Variants in GUCY1A2 observed in about 807,000 individuals in gnomAD.
GUCY1A2 encodes the protein guanylate cyclase 1 soluble subunit alpha 2.
In GUCY1A2, 27 loss-of-function variants were observed where a neutral mutation model predicts 63.5. The ratio of observed to expected loss-of-function variants is 0.43; its 90% CI spans 0.31 to 0.59. GUCY1A2 has a LOEUF of 0.59. Ranked by LOEUF, GUCY1A2 falls within the 20% of genes least tolerant of loss-of-function variation. The pLI is 0.11. For synonymous variants in GUCY1A2, 364 were observed against 343.5 expected (o/e 1.06, Z -0.66); for missense variants, 768 against 913.3 (o/e 0.84, Z 2.05).
At chr11:106,867,168 T>C (rs1859605786) in intron 4 of GUCY1A2, among the ~76,000 whole-genome samples, 1 of 152,102 alleles carries the variant, frequency 6.6e-6, no homozygotes. Flanking sequence ...ATCATCTATG[T>C]TTATTATAAA....
intron 1 of GUCY1A2, among the ~76,000 whole-genome samples, chr11:107,003,828 A>G (rs1861638858): frequency 6.6e-6 from 1 of 152,186 alleles, no homozygotes; most frequent in Non-Finnish European, 1.5e-5. Context: ...GGAGATTAGC[A>G]TGCAGGAAAC....
At chr11:106,759,683 CAGCACTTTGGG>C (rs1448731676) in intron 6 of GUCY1A2, among the ~76,000 whole-genome samples, 1 of 152,200 alleles carries the variant, frequency 6.6e-6, no homozygotes, top group Non-Finnish European at 1.5e-5. Context: ...CCTGTAATCC[CAGCACTTTGGG>C]AGGCCGAGGT....
At chr11:106,868,839 C>G (rs1234161194) in intron 4 of GUCY1A2, among the ~76,000 whole-genome samples, 1 of 152,180 alleles carries the variant, frequency 6.6e-6, no homozygotes, top group Non-Finnish European at 1.5e-5. Context: ...AGGCATCACG[C>G]TATCTGACTT....
At chr11:106,802,876 G>C (rs1175032653) in intron 5 of GUCY1A2, among the ~76,000 whole-genome samples, 1 of 152,104 alleles carries the variant, frequency 6.6e-6, no homozygotes, top group African/African-American at 2.4e-5. Context: ...ATCACATTAA[G>C]TAGGGCTTCA....
intron 4 of GUCY1A2, among the ~76,000 whole-genome samples, chr11:106,900,697 A>G (rs973452071): frequency 8.0e-5 from 12 of 150,654 alleles, no homozygotes; most frequent in Non-Finnish European, 1.8e-4. Flanking sequence ...ATACTAAAAT[A>G]AAGGGAGTCA....
chr11:107,010,600 A>T (rs1861729715), intron 1 of GUCY1A2, among the ~76,000 whole-genome samples: 1 of 152,238 alleles, frequency 6.6e-6, no homozygotes, highest in East Asian at 1.9e-4. Flanking sequence ...TGTCTATCAC[A>T]GGCTGGATGA....
At chr11:106,997,288 G>T (rs1300769561) in intron 1 of GUCY1A2, among the ~76,000 whole-genome samples, 1 of 152,080 alleles carries the variant, frequency 6.6e-6, no homozygotes, top group African/African-American at 2.4e-5. Flanking sequence ...CAAATGTCAG[G>T]TAATGTCATT....
chr11:106,997,617 A>ACCCCC (rs377457144), intron 1 of GUCY1A2, among the ~76,000 whole-genome samples: 287 of 119,830 alleles, frequency 2.4e-3, no homozygotes, highest in Non-Finnish European at 3.7e-3. Flanking sequence ...AAGATAGGGA[A>ACCCCC]CCCCCCCCCC....
chr11:106,897,063 C>G (rs943901358), intron 4 of GUCY1A2, among the ~76,000 whole-genome samples: 1 of 152,074 alleles, frequency 6.6e-6, no homozygotes, highest in Admixed American at 6.5e-5. Flanking sequence ...CAGCACTGAA[C>G]AAGTAAAATT....
chr11:107,007,814 G>T (rs1225553845), intron 1 of GUCY1A2, among the ~76,000 whole-genome samples: 1 of 152,046 alleles, frequency 6.6e-6, no homozygotes, highest in Non-Finnish European at 1.5e-5. Context: ...TAGAATGTTT[G>T]GTAATACAGG....
At chr11:106,967,640 C>T (rs1362099181) in intron 3 of GUCY1A2, among the ~76,000 whole-genome samples, 2 of 150,750 alleles carry the variant, frequency 1.3e-5, no homozygotes, top group African/African-American at 4.9e-5. Context: ...GTAATCTAAG[C>T]CAGCAGTTAT....
chr11:106,833,955 AT>A (rs891822161), intron 4 of GUCY1A2, among the ~76,000 whole-genome samples: 20 of 152,018 alleles, frequency 1.3e-4, no homozygotes, highest in African/African-American at 4.8e-4. Context: ...TAAATTAAAA[AT>A]TTTATATATT....
intron 5 of GUCY1A2, among the ~76,000 whole-genome samples, chr11:106,777,310 G>A (rs183794054): frequency 2.2e-4 from 34 of 152,088 alleles, no homozygotes; most frequent in African/African-American, 6.0e-4. Flanking sequence ...AACTGGGCAC[G>A]GTGGTGCGTG....
intron 4 of GUCY1A2, among the ~76,000 whole-genome samples, chr11:106,923,528 G>A (rs751120772): frequency 3.3e-5 from 5 of 152,248 alleles, no homozygotes; most frequent in South Asian, 2.1e-4. Flanking sequence ...ACACATCCCC[G>A]TAAACATGCC....
chr11:106,710,069 T>A (rs1436432547), intron 6 of GUCY1A2, among the ~76,000 whole-genome samples: 1 of 120,492 alleles, frequency 8.3e-6, no homozygotes, highest in South Asian at 2.6e-4. Context: ...TACATGTATA[T>A]AATATATAGT....
chr11:106,835,468 A>AGAGAATAAAGAGAATGGG (rs1370532898), intron 4 of GUCY1A2, among the ~76,000 whole-genome samples: 2 of 151,788 alleles, frequency 1.3e-5, no homozygotes, highest in Non-Finnish European at 2.9e-5. Flanking sequence ...TACCTGAGGG[A>AGAGAATAAAGAGAATGGG]GAGAATAAAG....
At chr11:106,701,987 T>C (rs1232394598) in intron 7 of GUCY1A2, among the ~76,000 whole-genome samples, 1 of 152,190 alleles carries the variant, frequency 6.6e-6, no homozygotes, top group Non-Finnish European at 1.5e-5. Context: ...ATGGGACAGC[T>C]TGGCCACAGA....
chr11:106,794,606 A>G (rs543016048), intron 5 of GUCY1A2, among the ~76,000 whole-genome samples: 9 of 152,218 alleles, frequency 5.9e-5, no homozygotes, highest in South Asian at 4.1e-4. Context: ...GCATATATCA[A>G]ATTGTCACAT....
At chr11:106,704,770 A>T (rs1223879705) in intron 7 of GUCY1A2, among the ~76,000 whole-genome samples, 1 of 152,050 alleles carries the variant, frequency 6.6e-6, no homozygotes, top group Non-Finnish European at 1.5e-5. Flanking sequence ...GCCATCCTTC[A>T]TATAAGCAAT....
Sources: gnomAD v4.1 joint callset for allele counts (sites outside exome capture counted in the v4.1 genomes callset) on GRCh38, gnomAD v4.1.1 for gene constraint, MANE v1.5 for transcripts, NCBI Gene and HGNC (gene_info 2026-07-23, HGNC 2026-07-21) for gene names.